The following PDZD2 variants were observed in gnomAD, a reference collection of about 807,000 sequenced individuals.
The protein encoded by PDZD2 is PDZ domain containing 2.
In PDZD2, 90 loss-of-function variants were observed where a neutral mutation model predicts 220.7. The ratio of observed to expected loss-of-function variants is 0.41; its 90% CI spans 0.34 to 0.49. The LOEUF (loss-of-function observed/expected upper bound fraction) is 0.49, where lower values mean the gene tolerates loss of function less well. Among genes scored for constraint, PDZD2 ranks in the 20% least tolerant of loss-of-function variants. PDZD2 has a pLI of 0.28. For synonymous variants in PDZD2, 1,375 were observed against 1,450.5 expected, an observed-to-expected ratio of 0.95 and a Z score of 1.18; for missense variants, 3,174 against 3,608.5, an observed-to-expected ratio of 0.88 and a Z score of 3.08.
chr5:31,947,113 C>T (rs1473278011), intron 2 of PDZD2, among the ~76,000 whole-genome samples: 1 of 152,138 alleles, frequency 6.6e-6, no homozygotes, highest in Admixed American at 6.5e-5. Flanking sequence ...CAAGAAAGAA[C>T]GGGCTAACTG....
chr5:32,094,535 A>C (rs562389878), intron 21 of PDZD2, among the ~76,000 whole-genome samples: 4 of 151,992 alleles, frequency 2.6e-5, no homozygotes, highest in Non-Finnish European at 5.9e-5. Flanking sequence ...AGGCGAGGAG[A>C]GAGGTTGGAA....
At chr5:31,649,814 T>C (rs1473774297) in intron 1 of PDZD2, among the ~76,000 whole-genome samples, 2 of 151,696 alleles carry the variant, frequency 1.3e-5, no homozygotes, top group African/African-American at 4.8e-5. Flanking sequence ...GGCGCGCGCC[T>C]ATAGTCCCAG....
intron 1 of PDZD2, among the ~76,000 whole-genome samples, chr5:31,680,451 G>A (rs1286669853): frequency 6.6e-6 from 1 of 152,184 alleles, no homozygotes; most frequent in African/African-American, 2.4e-5. Flanking sequence ...TGAGAGGTGA[G>A]GATGGCTGGC....
chr5:31,676,807 G>GTGA (rs1746446234), intron 1 of PDZD2, among the ~76,000 whole-genome samples: 1 of 151,966 alleles, frequency 6.6e-6, no homozygotes, highest in Non-Finnish European at 1.5e-5. Flanking sequence ...GCCCGCCTCG[G>GTGA]CCTCCCAAAG....
chr5:32,093,323 A>G (rs1743349086), intron 21 of PDZD2, among the ~76,000 whole-genome samples: 1 of 152,202 alleles, frequency 6.6e-6, no homozygotes, highest in Non-Finnish European at 1.5e-5. Context: ...TTGTTTGCAG[A>G]GAGTCCTCAA....
intron 1 of PDZD2, among the ~76,000 whole-genome samples, chr5:31,776,383 G>A (rs528469687): frequency 2.0e-5 from 3 of 152,242 alleles, no homozygotes; most frequent in African/African-American, 7.2e-5. Context: ...TCCCTGCCCT[G>A]TGGTCTCACT....
chr5:31,991,534 G>GA (rs1373022514), intron 3 of PDZD2, among the ~76,000 whole-genome samples: 1 of 152,066 alleles, frequency 6.6e-6, no homozygotes, highest in East Asian at 1.9e-4. Flanking sequence ...AGTAAGAGAG[G>GA]AAAAAAGTCC....
At chr5:31,815,664 C>T (rs1755404542) in intron 2 of PDZD2, among the ~76,000 whole-genome samples, 1 of 152,132 alleles carries the variant, frequency 6.6e-6, no homozygotes, top group Admixed American at 6.5e-5. Context: ...ATGGCCTGAA[C>T]CAGTTTCTCA....
At chr5:31,685,074 C>G (rs1437177782) in intron 1 of PDZD2, among the ~76,000 whole-genome samples, 1 of 152,288 alleles carries the variant, frequency 6.6e-6, no homozygotes, top group African/African-American at 2.4e-5. Flanking sequence ...ATTGCCCTCT[C>G]TGTTTGTTCT....
At chr5:32,037,434 G>T in intron 7 of PDZD2, 92 bp downstream of exon 7, 3 of 729,136 alleles carry the variant, frequency 4.1e-6, no homozygotes, top group East Asian at 2.5e-5. Context: ...ATGAGCTCCC[G>T]TCTTCCTTAA....
At chr5:31,734,784 C>G (rs1749750942) in intron 1 of PDZD2, among the ~76,000 whole-genome samples, 1 of 152,328 alleles carries the variant, frequency 6.6e-6, no homozygotes, top group South Asian at 2.1e-4. Context: ...AACCAGCCCC[C>G]ATCCTACAGC....
At chr5:32,029,250 A>G (rs1754934540) in intron 6 of PDZD2, among the ~76,000 whole-genome samples, 1 of 143,316 alleles carries the variant, frequency 7.0e-6, no homozygotes, top group Non-Finnish European at 1.5e-5. Flanking sequence ...CCCAAACCCC[A>G]GTCCCTAGAC....
intron 8 of PDZD2, among the ~76,000 whole-genome samples, chr5:32,048,900 A>T (rs1228837907): frequency 6.6e-6 from 1 of 152,094 alleles, no homozygotes; most frequent in Non-Finnish European, 1.5e-5. Context: ...CAAAATGTTC[A>T]TCTCCTTCCT....
chr5:32,050,936 T>C (rs936276956), intron 8 of PDZD2, among the ~76,000 whole-genome samples: 9 of 152,204 alleles, frequency 5.9e-5, no homozygotes, highest in African/African-American at 1.9e-4. Context: ...GGTAGCCGTA[T>C]ATGTCTACTG....
intron 2 of PDZD2, among the ~76,000 whole-genome samples, chr5:31,809,335 C>T (rs1010591852): frequency 6.6e-6 from 1 of 152,170 alleles, no homozygotes; most frequent in Non-Finnish European, 1.5e-5. Flanking sequence ...TGTGTTTCAC[C>T]GCCGTGCTGT....
chr5:31,993,211 T>C (rs907182063), intron 3 of PDZD2, among the ~76,000 whole-genome samples: 22 of 152,132 alleles, frequency 1.4e-4, no homozygotes, highest in African/African-American at 5.3e-4. Context: ...AATGAGGTGA[T>C]TGGATGAAAT....
At chr5:32,037,910 C>T (rs1009883035) in intron 7 of PDZD2, among the ~76,000 whole-genome samples, 12 of 151,190 alleles carry the variant, frequency 7.9e-5, no homozygotes, top group Non-Finnish European at 1.6e-4. Context: ...GGCATGATCT[C>T]GGCTCACTAC....
intron 2 of PDZD2, among the ~76,000 whole-genome samples, chr5:31,966,103 G>A (rs1481335305): frequency 2.6e-5 from 4 of 152,140 alleles, no homozygotes; most frequent in African/African-American, 9.7e-5. Context: ...TCAGACAGAG[G>A]CAGAGTTGAA....
At chr5:31,759,311 C>T (rs545906216) in intron 1 of PDZD2, among the ~76,000 whole-genome samples, 28 of 152,196 alleles carry the variant, frequency 1.8e-4, no homozygotes, top group African/African-American at 5.1e-4. Context: ...CCCGGCTCTT[C>T]GAGGCTTCGG....
Sources: allele counts gnomAD v4.1 joint callset (sites outside exome capture counted in the v4.1 genomes callset), GRCh38; gene constraint gnomAD v4.1.1; transcripts MANE v1.5; gene names NCBI Gene and HGNC (gene_info 2026-07-23, HGNC 2026-07-21).